Variants in VNN1 observed in about 807,000 individuals in gnomAD.
VNN1 encodes pantetheinase.
VNN1 carries 29 observed loss-of-function variants against 41.9 expected under a neutral mutation model. The ratio of observed to expected loss-of-function variants is 0.69; its 90% confidence interval spans 0.52 to 0.94. The LOEUF (loss-of-function observed/expected upper bound fraction) is 0.94. Ranked by LOEUF, VNN1 falls within the 40% of genes least tolerant of loss-of-function variation. VNN1 has a pLI of 0.00. For synonymous variants in VNN1, 233 were observed against 224.4 expected (o/e 1.04, Z -0.34); for missense variants, 637 against 621.1 (o/e 1.03, Z -0.27).
chr6:132,704,453 T>C (rs1778490383), intron 2 of VNN1, among the ~76,000 whole-genome samples: 1 of 152,132 alleles, frequency 6.6e-6, no homozygotes, highest in African/African-American at 2.4e-5. Context: ...AATGTGCTCC[T>C]GAATTACCAG....
At chr6:132,689,563 C>G (rs561275338) in intron 5 of VNN1, among the ~76,000 whole-genome samples, 13 of 152,240 alleles carry the variant, frequency 8.5e-5, no homozygotes, top group African/African-American at 3.1e-4. Flanking sequence ...TGGCATCTAC[C>G]AGATGTTCTC....
chr6:132,693,980 T>C lies in VNN1; in HGVS notation c.534+10A>G, dbSNP rs1269306599. 6.2e-7 allele frequency: 1 copy of C among 1,613,930 alleles called. No homozygotes were observed. The highest frequency in any genetic ancestry group is 2.2e-5 in the East Asian group (1 of 44,880). ...ATTAACTAATTGGATTATTTGCAAA[T>C]TAATTTTACCTTATGGTAGCGTGCC... On this transcript the variant is annotated intron_variant, in intron 3 of 6. Transcript: ENST00000367928.
intron 1 of VNN1, among the ~76,000 whole-genome samples, chr6:132,712,439 C>G (rs952196437): frequency 1.3e-5 from 2 of 152,078 alleles, no homozygotes; most frequent in African/African-American, 4.8e-5. Context: ...CATGAGCCAC[C>G]GCACCTGGCT....
Position 132,713,827 on chromosome 6 carries a change from T to G in VNN1, c.209A>C (p.Gln70Pro). ...CTGGAGAGATGGTAGAGATGGTACC[T>G]GATCTGCTGCTGATGTGATCGCTCC... Reference protein sequence around the residue: ...LEGAITSAADQGAHIIVTPED... With the variant: ...LEGAITSAADPGAHIIVTPED... Residue 70 changes from glutamine to proline, a missense_variant and splice_region_variant, in exon 1 of 7, where the codon CAG becomes CCG. Gln to Pro is a moderately conservative substitution (Grantham distance 76, BLOSUM62 -1). Transcript: ENST00000367928. 6 of 1,612,438 alleles carry G rather than the reference T, an allele frequency of 3.7e-6. No individual in the cohort carries two copies. The highest frequency in any genetic ancestry group is 1.7e-5 in the Admixed American group (1 of 60,026).
At chr6:132,689,020 C>T (rs1336753187) in intron 5 of VNN1, among the ~76,000 whole-genome samples, 1 of 152,160 alleles carries the variant, frequency 6.6e-6, no homozygotes, top group Non-Finnish European at 1.5e-5. Context: ...TTCCAAGTAG[C>T]TGGGATTGCA....
chr6:132,685,124 C>T (rs972460424), intron 5 of VNN1, among the ~76,000 whole-genome samples: 1 of 152,216 alleles, frequency 6.6e-6, no homozygotes, highest in Non-Finnish European at 1.5e-5. Flanking sequence ...GACCTAGAGG[C>T]AACCCCTGTA....
intron 5 of VNN1, among the ~76,000 whole-genome samples, chr6:132,688,216 G>A (rs1293165469): frequency 6.6e-6 from 1 of 152,096 alleles, no homozygotes; most frequent in African/African-American, 2.4e-5. Context: ...GACCTAACTT[G>A]AATTAACATA....
intron 5 of VNN1, among the ~76,000 whole-genome samples, chr6:132,689,026 T>A (rs1778244658): frequency 6.6e-6 from 1 of 152,116 alleles, no homozygotes; most frequent in Admixed American, 6.5e-5. Flanking sequence ...GTAGCTGGGA[T>A]TGCAGGCGCC....
At chr6:132,689,901 C>A (rs1056157977) in intron 5 of VNN1, among the ~76,000 whole-genome samples, 1 of 152,196 alleles carries the variant, frequency 6.6e-6, no homozygotes. Flanking sequence ...TACCCACTGT[C>A]AGTGAGTCTG....
Position 132,681,778 on chromosome 6 carries a change from A to G in VNN1, c.*1362T>C, listed in dbSNP as rs901626407. 6.6e-6 allele frequency: 1 copy of G among 152,622 alleles called. No homozygotes were observed. Among genetic ancestry groups the G allele is most frequent in the African/African-American group, 2.4e-5 (1 of 41,442 alleles). 9.5% of individuals were successfully genotyped at this position (152,622 alleles called of 1,614,324 possible). On this transcript the variant is annotated 3_prime_UTR_variant, in exon 7 of 7. Transcript: ENST00000367928. Reference sequence around the variant, plus strand: ...ATGTCAGTTAATGTCACCCAAAAGAACAAGGGATTTTACTCAAATATTTCT... The same window carrying G: ...ATGTCAGTTAATGTCACCCAAAAGAGCAAGGGATTTTACTCAAATATTTCT...
At chr6:132,685,544 T>C (rs1225848311) in intron 5 of VNN1, among the ~76,000 whole-genome samples, 1 of 152,098 alleles carries the variant, frequency 6.6e-6, no homozygotes, top group Non-Finnish European at 1.5e-5. Flanking sequence ...AATAGGAGGA[T>C]AGACCACAAC....
At chr6:132,711,356 G>C (rs1303175577) in intron 2 of VNN1, among the ~76,000 whole-genome samples, 1 of 152,172 alleles carries the variant, frequency 6.6e-6, no homozygotes, top group Non-Finnish European at 1.5e-5. Flanking sequence ...TTAGCAATGA[G>C]AAAGGAAAAC....
chr6:132,694,621 A>T (rs1283977103), intron 2 of VNN1, among the ~76,000 whole-genome samples: 1 of 151,316 alleles, frequency 6.6e-6, no homozygotes, highest in Non-Finnish European at 1.5e-5. Flanking sequence ...TTGGGAGTCC[A>T]AGGAGGAAGG....
intron 2 of VNN1, among the ~76,000 whole-genome samples, chr6:132,711,311 T>G (rs1424586720): frequency 1.6e-5 from 2 of 123,358 alleles, no homozygotes; most frequent in African/African-American, 4.1e-5. Context: ...AGCTTACACT[T>G]TAAGGACTTT....
At chr6:132,695,000 A>G (rs1778348772) in intron 2 of VNN1, among the ~76,000 whole-genome samples, 1 of 152,142 alleles carries the variant, frequency 6.6e-6, no homozygotes, top group Non-Finnish European at 1.5e-5. Flanking sequence ...TAAAAATACA[A>G]AATTAGCTGG....
chr6:132,701,414 G>A (rs757528963), intron 2 of VNN1, among the ~76,000 whole-genome samples: 12 of 152,144 alleles, frequency 7.9e-5, no homozygotes, highest in Non-Finnish European at 1.3e-4. Flanking sequence ...TATAGATGGC[G>A]TATATGTCAG....
chr6:132,684,310 A>T, intron 6 of VNN1, 25 bp downstream of exon 6: 4 of 1,597,038 alleles, frequency 2.5e-6, no homozygotes, highest in Non-Finnish European at 3.4e-6. Flanking sequence ...CATGAAACTA[A>T]TTGGCAATAT....
rs748899498 is a variant in VNN1 at position 132,692,542 on chromosome 6, T to C, written c.869A>G (p.Tyr290Cys). Residue 290 changes from tyrosine (Y) to cysteine (C), a missense_variant, in exon 5 of 7, where the codon TAT becomes TGT. Coordinates refer to ENST00000367928, the MANE Select transcript of VNN1 (RefSeq NM_004666.3). The part of the protein sequence containing the change: ...YAPNSSRAFH[Y>C]DMKTEEGKLL... ...TTTTCCCTCTTCTGTCTTCATATCA[T>C]AATGAAATGCTCTTGAAGAATTGGG... is the stretch of plus-strand genomic sequence containing the variant. The C allele has an allele frequency of 3.1e-6, 5 of 1,604,688 alleles. No individual in the cohort carries two copies. In the Admixed American group the frequency reaches 5.1e-5, roughly 16 times the overall value.
intron 5 of VNN1, among the ~76,000 whole-genome samples, chr6:132,684,914 T>C (rs1778185846): frequency 6.6e-6 from 1 of 152,228 alleles, no homozygotes; most frequent in South Asian, 2.1e-4. Context: ...GTCAAAAAGA[T>C]TAGCCCTGTA....
Sources: allele counts gnomAD v4.1 joint callset (sites outside exome capture counted in the v4.1 genomes callset), GRCh38; gene constraint gnomAD v4.1.1; transcripts MANE v1.5; gene names NCBI Gene and HGNC (gene_info 2026-07-23, HGNC 2026-07-21).